The following BRAF variants were observed in gnomAD, a reference collection of about 807,000 sequenced individuals.
The protein encoded by BRAF is serine/threonine-protein kinase B-raf.
A neutral mutation model predicts 104.6 loss-of-function variants in BRAF; 16 were observed. The ratio of observed to expected loss-of-function variants is 0.15; its 90% CI spans 0.10 to 0.23. BRAF has a LOEUF of 0.23. BRAF is among the 10% of genes least tolerant of loss of function. The pLI is 1.00. For missense variants in BRAF, 541 were observed against 937.3 expected, an observed-to-expected ratio of 0.58 and a Z score of 5.52; for synonymous variants, 310 against 341.6, an observed-to-expected ratio of 0.91 and a Z score of 1.02.
Position 140,889,110 on chromosome 7 carries a change from C to T in BRAF, c.138+35456G>A, listed in dbSNP as rs544305303. The stretch of plus-strand genomic sequence containing the variant: ...ATCATAACCCTACAAGCAAGAATTA[C>T]ATCCATTTCAAAACATCAACAGCGC... On this transcript the variant is annotated intron_variant, in intron 1 of 19. Coordinates refer to ENST00000644969, the MANE Select transcript of BRAF (RefSeq NM_001374258.1). 9.9e-5 allele frequency among the ~76,000 whole-genome samples: 15 copies of T among 152,234 alleles called. No individual in the cohort carries two copies. The East Asian group carries it at 2.9e-3, about 29-fold the overall frequency.
chr7:140,763,712 T>C (rs1197601082), intron 14 of BRAF, among the ~76,000 whole-genome samples: 3 of 152,094 alleles, frequency 2.0e-5, no homozygotes, highest in African/African-American at 4.8e-5. Flanking sequence ...ATGGATAAAT[T>C]CCTCGACACA....
At chr7:140,878,399 A>G (rs769907841) in intron 1 of BRAF, among the ~76,000 whole-genome samples, 2 of 152,074 alleles carry the variant, frequency 1.3e-5, no homozygotes, top group African/African-American at 2.4e-5. Context: ...ACGAGCAACA[A>G]AAAAAAACTG....
chr7:140,792,726 G>C (rs1386985794), intron 8 of BRAF, among the ~76,000 whole-genome samples: 1 of 152,204 alleles, frequency 6.6e-6, no homozygotes, highest in Non-Finnish European at 1.5e-5. Flanking sequence ...ACTTCCTTGA[G>C]GGCAAAGGCC....
chr7:140,735,913 G>C (rs987356621), intron 18 of BRAF, among the ~76,000 whole-genome samples: 3 of 152,018 alleles, frequency 2.0e-5, no homozygotes, highest in African/African-American at 7.3e-5. Context: ...ATGATGATTA[G>C]TATAAGACAA....
Position 140,722,422 on chromosome 7 carries a change from T to G in BRAF, c.*4072A>C. ...CTAAAATGTTAGCTTTTTTATTGCA[T>G]CATGAAGGCACAGTAAGATCATTTG... On this transcript the variant is annotated 3_prime_UTR_variant, in exon 20 of 20. Transcript: ENST00000644969. 1 of 1,054,758 alleles carries G rather than the reference T, an allele frequency of 9.5e-7. No homozygotes were observed. The highest frequency in any genetic ancestry group is 1.1e-6 in the Non-Finnish European group (1 of 872,680). The allele number at this position is 1,054,758 out of a possible 1,614,324, so 65.3% of individuals were successfully genotyped here.
intron 3 of BRAF, among the ~76,000 whole-genome samples, chr7:140,831,125 T>G (rs991766007): frequency 5.3e-5 from 8 of 152,186 alleles, no homozygotes; most frequent in Non-Finnish European, 8.8e-5. Flanking sequence ...TGAGTTAAAT[T>G]GAAGGCAACT....
At chr7:140,823,774 C>G (rs1395725308) in intron 3 of BRAF, 1 of 152,218 alleles carries the variant, frequency 6.6e-6, no homozygotes. Flanking sequence ...TACATTTCCA[C>G]CAACAGTGCA....
chr7:140,890,161 A>G (rs953095570), intron 1 of BRAF, among the ~76,000 whole-genome samples: 1 of 152,230 alleles, frequency 6.6e-6, no homozygotes, highest in African/African-American at 2.4e-5. Flanking sequence ...CAAACTTCAT[A>G]GATTTGACCA....
chr7:140,920,819 GACAA>G (rs1174745915), intron 1 of BRAF, among the ~76,000 whole-genome samples: 2 of 152,170 alleles, frequency 1.3e-5, no homozygotes, highest in Non-Finnish European at 2.9e-5. Flanking sequence ...AAATACCAAA[GACAA>G]ACAACTATTT....
chr7:140,783,325 C>T (rs1801060404), intron 10 of BRAF, 168 bp from the exon 10 acceptor site: 1 of 734,482 alleles, frequency 1.4e-6, no homozygotes, highest in African/African-American at 1.8e-5. Context: ...TTGGTGATTA[C>T]AACTATAATT....
chr7:140,812,193 T>TGA (rs1356920829), intron 3 of BRAF, among the ~76,000 whole-genome samples: 2 of 149,866 alleles, frequency 1.3e-5, no homozygotes, highest in African/African-American at 2.5e-5. Flanking sequence ...TGTGTGTGTG[T>TGA]GAGGGTGGGA....
At chr7:140,851,351 A>G (rs969143248) in intron 1 of BRAF, among the ~76,000 whole-genome samples, 1 of 152,342 alleles carries the variant, frequency 6.6e-6, no homozygotes, top group Admixed American at 6.5e-5. Flanking sequence ...ACATAAATAT[A>G]ACACACAGTA....
Position 140,723,647 on chromosome 7 carries a change from CACAGTT to C in BRAF, c.*2841_*2846del, listed in dbSNP as rs1186175909. 6.0e-5 allele frequency: 63 copies of C among 1,050,562 alleles called. No homozygotes were observed. In the Middle Eastern group the frequency reaches 1.3e-3, roughly 22 times the overall value. 65.1% of individuals were successfully genotyped at this position (1,050,562 alleles called of 1,614,324 possible). ...TGAAAAAAGTCCATCAGGAATACTACACAGTTACAAACAATCCTCTGTAGTTGCTCT... is the reference window on the plus strand; with the variant it reads ...TGAAAAAAGTCCATCAGGAATACTACACAAACAATCCTCTGTAGTTGCTCT... On this transcript the variant is annotated 3_prime_UTR_variant, in exon 20 of 20. Transcript: ENST00000644969.
chr7:140,799,079 C>T lies in BRAF; in HGVS notation c.980+1283G>A, dbSNP rs920757502. The T allele has an allele frequency of 6.0e-5, 11 of 183,026 alleles. No homozygotes were observed. The East Asian group carries it at 8.9e-4, about 15-fold the overall frequency. The allele number at this position is 183,026 out of a possible 1,614,324, so 11.3% of individuals were successfully genotyped here. A position where few individuals can be genotyped will look rare whatever the true frequency, so the allele number is the denominator to read the frequency against. The stretch of plus-strand genomic sequence containing the variant: ...ATGTTGGCCAGGCTGGTCTCGAACT[C>T]CTGACCTCGTGATCTGCCCGCCTCA... On this transcript the variant is annotated intron_variant, in intron 7 of 19. Coordinates refer to ENST00000644969, the MANE Select transcript of BRAF (RefSeq NM_001374258.1).
intron 1 of BRAF, among the ~76,000 whole-genome samples, chr7:140,886,466 A>C (rs1253997551): frequency 2.6e-5 from 4 of 152,214 alleles, no homozygotes; most frequent in African/African-American, 9.6e-5. Flanking sequence ...AAAAGATCTC[A>C]TCCCAGCCTA....
In BRAF at chr7:140,850,096, T is replaced by A. The variant is rs765731817; in HGVS notation, c.240+15A>T. 4.5e-6 allele frequency: 7 copies of A among 1,547,242 alleles called. No individual in the cohort carries two copies. Among genetic ancestry groups the A allele is most frequent in the Non-Finnish European group, 6.2e-6 (7 of 1,122,204 alleles). ...TTCTTTTCAAAATTACTAGATATGATACTCAAAAGCTTACCTCCAGATATA... is the reference window on the plus strand; with the variant it reads ...TTCTTTTCAAAATTACTAGATATGAAACTCAAAAGCTTACCTCCAGATATA... On this transcript the variant is annotated intron_variant, in intron 2 of 19. Transcript: ENST00000644969.
chr7:140,812,375 C>T (rs1223517098), intron 3 of BRAF, among the ~76,000 whole-genome samples: 2 of 152,098 alleles, frequency 1.3e-5, no homozygotes, highest in African/African-American at 4.8e-5. Flanking sequence ...TTAAAATTTT[C>T]CCATTATTTG....
At chr7:140,778,256 C>G (rs1800520726) in intron 12 of BRAF, among the ~76,000 whole-genome samples, 181 bp from the exon 12 acceptor site, 1 of 152,214 alleles carries the variant, frequency 6.6e-6, no homozygotes, top group Middle Eastern at 3.4e-3. Context: ...ATTCAACTAA[C>G]AATGATATTC....
At chr7:140,809,186 T>TA in intron 3 of BRAF, among the ~76,000 whole-genome samples, 191 bp from the exon 4 acceptor site, 1 of 152,188 alleles carries the variant, frequency 6.6e-6, no homozygotes, top group South Asian at 2.1e-4. Flanking sequence ...TTCACCAACT[T>TA]AAATCAAAGC....
Sources: allele counts gnomAD v4.1 joint callset (sites outside exome capture counted in the v4.1 genomes callset), GRCh38; gene constraint gnomAD v4.1.1; transcripts MANE v1.5; gene names NCBI Gene and HGNC (gene_info 2026-07-23, HGNC 2026-07-21).